MAEA: variants seen among roughly 807,000 people sequenced by gnomAD.
MAEA encodes E3 ubiquitin-protein transferase MAEA.
A neutral mutation model predicts 46.2 loss-of-function variants in MAEA; 22 were observed. The ratio of observed to expected loss-of-function variants is 0.48; its 90% CI spans 0.34 to 0.68. The LOEUF is 0.68. Ranked by LOEUF, MAEA falls within the 30% of genes least tolerant of loss-of-function variation. The pLI, the probability that MAEA is intolerant of heterozygous loss-of-function variation, is 0.01. For missense variants in MAEA, 393 were observed against 558.1 expected, an observed-to-expected ratio of 0.70 and a Z score of 2.98; for synonymous variants, 246 against 222.6, an observed-to-expected ratio of 1.11 and a Z score of -0.94.
chr4:1,308,914 C>G (rs1431870782), intron 1 of MAEA, among the ~76,000 whole-genome samples: 1 of 152,122 alleles, frequency 6.6e-6, no homozygotes, highest in Non-Finnish European at 1.5e-5. Context: ...TCCCATTTGT[C>G]TCTTTCTGTT....
chr4:1,322,895 C>T (rs1738312566), intron 4 of MAEA, among the ~76,000 whole-genome samples: 1 of 145,492 alleles, frequency 6.9e-6, no homozygotes, highest in Non-Finnish European at 1.5e-5. Context: ...CATTCTCCAT[C>T]TGCGAGGCTG....
rs377454420 is a variant in MAEA, at chr4:1,338,482, C to G, written c.960C>G (p.Ser320=). The stretch of plus-strand genomic sequence containing the variant: ...CTGACTGCCCTGTGTGCAGCCGCTC[C>G]CTGAACAAGCTGGCGCAGCCCCTGC... ...KSPDCPVCSR[S]LNKLAQPLPM... The change falls in exon 8 of 9, where the codon TCC becomes TCG. Residue 320 remains serine (S), a synonymous_variant. Transcript: ENST00000303400. 1 of 1,613,190 alleles carries G rather than the reference C, an allele frequency of 6.2e-7. No homozygotes were observed. Among genetic ancestry groups the G allele is most frequent in the Non-Finnish European group, 8.5e-7 (1 of 1,180,000 alleles).
rs750641410 is a variant in MAEA, at chr4:1,311,256, C to T, written c.70-723C>T. The stretch of plus-strand genomic sequence containing the variant: ...GGTGTTTCCTGCGGGAGCCCGGCCA[C>T]GGAGGCCGGGGAGCGCTGGGGCGTG... On this transcript the variant is annotated intron_variant, in intron 1 of 8. Coordinates refer to ENST00000303400, the MANE Select transcript of MAEA (RefSeq NM_001017405.3). The surrounding 1 kb of genome is among the most constrained non-coding windows in gnomAD (Gnocchi z 4.4). Among the ~76,000 whole-genome samples, 4 of 152,192 alleles carry T rather than the reference C, an allele frequency of 2.6e-5. No individual in the cohort carries two copies. The highest frequency in any genetic ancestry group is 2.1e-4 in the South Asian group (1 of 4,830).
At chr4:1,315,337 C>T (rs1158907292) in intron 2 of MAEA, 60 bp from the exon 3 acceptor site, 3 of 1,536,594 alleles carry the variant, frequency 2.0e-6, no homozygotes, top group Non-Finnish European at 2.7e-6. Flanking sequence ...CCTGGCCTCC[C>T]TTGGTGCAGG....
chr4:1,320,829 G>A (rs1014693577), intron 3 of MAEA, among the ~76,000 whole-genome samples: 28 of 151,158 alleles, frequency 1.9e-4, no homozygotes, highest in African/African-American at 5.8e-4. Flanking sequence ...GGCCGGGCAC[G>A]GTGGCTCACG....
At chr4:1,303,840 T>C (rs73796081) in intron 1 of MAEA, among the ~76,000 whole-genome samples, 3,078 of 151,114 alleles carry the variant, frequency 0.02, 123 homozygotes, top group African/African-American at 0.071. Flanking sequence ...ATGATTCAGC[T>C]TAATAGACAA....
At chr4:1,301,993 C>G (rs770553147) in intron 1 of MAEA, among the ~76,000 whole-genome samples, 15 of 152,194 alleles carry the variant, frequency 9.9e-5, no homozygotes, top group Non-Finnish European at 1.8e-4. Flanking sequence ...CCACCTCCTT[C>G]TATGAGGCCA....
chr4:1,292,128 T>G (rs1192629478), intron 1 of MAEA, among the ~76,000 whole-genome samples: 2 of 152,086 alleles, frequency 1.3e-5, no homozygotes, highest in Non-Finnish European at 2.9e-5. Flanking sequence ...GGACCGGGGT[T>G]GTGGAAGGTG....
At chr4:1,313,018 C>G (rs1386471631) in intron 2 of MAEA, among the ~76,000 whole-genome samples, 3 of 152,220 alleles carry the variant, frequency 2.0e-5, no homozygotes, top group African/African-American at 7.2e-5. Context: ...TGACCCAAGC[C>G]TTGGAAAGTG....
rs2108921433 is a variant in MAEA at position 1,315,443 on chromosome 4, A to G, written c.299A>G (p.Lys100Arg). 3.1e-6 allele frequency: 5 copies of G among 1,613,904 alleles called. No homozygotes were observed. The highest frequency in any genetic ancestry group is 4.2e-6 in the Non-Finnish European group (5 of 1,180,020). Residue 100 changes from lysine (K) to arginine (R), a missense_variant, in exon 3 of 9, where the codon AAG becomes AGG. By Grantham distance (26) the Lys-to-Arg change is conservative. Coordinates refer to ENST00000303400, the MANE Select transcript of MAEA (RefSeq NM_001017405.3). ...GAGGACGAGAGCGCCAAGCTGTGCA[A>G]GCGCCGGATCGAGCACCTCAAAGAG... The part of the protein sequence containing the change: ...QAEDESAKLC[K>R]RRIEHLKEHS...
intron 7 of MAEA, 56 bp downstream of exon 7, chr4:1,337,050 T>C: frequency 4.4e-6 from 7 of 1,592,944 alleles, no homozygotes; most frequent in Non-Finnish European, 6.0e-6. Context: ...TCTTTGGTCA[T>C]ATTTTAACAC....
chr4:1,332,994 C>A, intron 6 of MAEA, 129 bp downstream of exon 6: 2 of 597,832 alleles, frequency 3.3e-6, no homozygotes, highest in Non-Finnish European at 5.8e-6. Flanking sequence ...GCCTGTCCAG[C>A]CTGCCAAGAC....
intron 5 of MAEA, chr4:1,330,463 C>T (rs532422652): frequency 7.3e-6 from 1 of 136,588 alleles, no homozygotes; most frequent in East Asian, 2.0e-4. Flanking sequence ...ATTACAGGCG[C>T]CCACCACCAC....
Position 1,330,338 on chromosome 4 carries a change from G to A in MAEA, c.657-2419G>A, listed in dbSNP as rs768751078. 3.8e-4 allele frequency: 41 copies of A among 107,932 alleles called. 3 individuals carry two copies. The highest frequency in any genetic ancestry group is 5.6e-4 in the Non-Finnish European group (35 of 62,056). 6.7% of individuals were successfully genotyped at this position (107,932 alleles called of 1,614,324 possible). On this transcript the variant is annotated intron_variant, in intron 5 of 8. Coordinates refer to ENST00000303400, the MANE Select transcript of MAEA (RefSeq NM_001017405.3). The stretch of plus-strand genomic sequence containing the variant: ...TCTCTCTCTCTCTTTCCGTGTGTGT[G>A]TGTGTGTGTTTTGAGGTTGAGTTTT...
rs776166142 is a variant in MAEA, at chr4:1,335,351, A to G, written c.766-1510A>G. 12 of 985,378 alleles carry G rather than the reference A, an allele frequency of 1.2e-5. No homozygotes were observed. In the African/African-American group the frequency reaches 1.4e-4, roughly 11 times the overall value. 61.0% of individuals were successfully genotyped at this position (985,378 alleles called of 1,614,324 possible). A position where few individuals can be genotyped will look rare whatever the true frequency, so the allele number is the denominator to read the frequency against. On this transcript the variant is annotated intron_variant, in intron 6 of 8. Transcript: ENST00000303400. The stretch of plus-strand genomic sequence containing the variant: ...GGTTGCACACATTCCAGATCATTCA[A>G]GTTGATTCACAAGTGAGTGTAGCAG...
chr4:1,314,866 G>T lies in MAEA; in HGVS notation c.253-531G>T, dbSNP rs572082961. On this transcript the variant is annotated intron_variant, in intron 2 of 8. Coordinates refer to ENST00000303400, the MANE Select transcript of MAEA (RefSeq NM_001017405.3). ...GGATCCTGGATCTGTCCAGTAGTCAGTCGCCGTGTGTGCTGTCAAATTTTT... is the reference window on the plus strand; with the variant it reads ...GGATCCTGGATCTGTCCAGTAGTCATTCGCCGTGTGTGCTGTCAAATTTTT... Among the ~76,000 whole-genome samples, 183 of 152,346 alleles carry T rather than the reference G, an allele frequency of 1.2e-3. 1 individual carries two copies. The highest frequency in any genetic ancestry group is 4.2e-3 in the African/African-American group (173 of 41,586).
At chr4:1,304,224 CCCTAG>C (rs1163986066) in intron 1 of MAEA, among the ~76,000 whole-genome samples, 1 of 152,074 alleles carries the variant, frequency 6.6e-6, no homozygotes, top group African/African-American at 2.4e-5. Context: ...GTAAAGTATG[CCCTAG>C]CTTTCAAAGG....
In MAEA at chr4:1,309,019, G is replaced by A. The variant is rs114828088; in HGVS notation, c.70-2960G>A. The stretch of plus-strand genomic sequence containing the variant: ...TGAGGTTGCCTGTCCTCATTTGGGC[G>A]AGCTGTATCTTCTGCGGGCTCATCT... On this transcript the variant is annotated intron_variant, in intron 1 of 8. Transcript: ENST00000303400. 6.5e-3 allele frequency among the ~76,000 whole-genome samples: 993 copies of A among 152,246 alleles called. 12 individuals are homozygous for A. Among genetic ancestry groups the A allele is most frequent in the African/African-American group, 0.021 (863 of 41,528 alleles).
intron 5 of MAEA, 120 bp from the exon 6 acceptor site, chr4:1,332,637 G>C (rs777159840): frequency 1.5e-6 from 1 of 681,316 alleles, no homozygotes; most frequent in Non-Finnish European, 2.5e-6. Flanking sequence ...CTGAGAGTTC[G>C]AGGCTACAGT....
Sources: gnomAD v4.1 joint callset for allele counts (sites outside exome capture counted in the v4.1 genomes callset) on GRCh38, gnomAD v4.1.1 for gene constraint, Gnocchi (gnomAD v3.1) non-coding constraint, MANE v1.5 for transcripts, NCBI Gene and HGNC (gene_info 2026-07-23, HGNC 2026-07-21) for gene names.